The following RIT2 variants were observed in gnomAD, a reference collection of about 807,000 sequenced individuals.
RIT2 encodes GTP-binding protein Rit2.
Under a neutral mutation model 23.7 loss-of-function variants are expected in RIT2, and 24 were observed. The ratio of observed to expected loss-of-function variants is 1.01; its 90% CI spans 0.73 to 1.43. The LOEUF (loss-of-function observed/expected upper bound fraction) is 1.43. RIT2 is among the 40% of genes most tolerant of loss of function. The pLI, the probability that RIT2 is intolerant of heterozygous loss-of-function variation, is 0.00. For synonymous variants in RIT2, 107 were observed against 91.1 expected, an observed-to-expected ratio of 1.17 and a Z score of -0.99; for missense variants, 236 against 266.9, an observed-to-expected ratio of 0.88 and a Z score of 0.81.
At chr18:42,959,465 G>T (rs1448885982) in intron 3 of RIT2, among the ~76,000 whole-genome samples, 1 of 152,068 alleles carries the variant, frequency 6.6e-6, no homozygotes, top group Non-Finnish European at 1.5e-5. Context: ...TTCCACTCTA[G>T]ATCCTAAACA....
At chr18:42,810,197 T>C (rs1905812398) in intron 4 of RIT2, among the ~76,000 whole-genome samples, 1 of 151,300 alleles carries the variant, frequency 6.6e-6, no homozygotes, top group Non-Finnish European at 1.5e-5. Flanking sequence ...AAGGTAACTT[T>C]TAATGAGGTG....
chr18:42,959,244 T>A (rs1302638036), intron 3 of RIT2, among the ~76,000 whole-genome samples: 1 of 152,212 alleles, frequency 6.6e-6, no homozygotes, highest in African/African-American at 2.4e-5. Context: ...GAAGTCTTAT[T>A]ATTTGACATT....
chr18:43,071,073 T>C (rs938549762), intron 1 of RIT2, among the ~76,000 whole-genome samples: 5 of 152,220 alleles, frequency 3.3e-5, no homozygotes, highest in African/African-American at 1.2e-4. Flanking sequence ...TTTTTACCAA[T>C]AATTTTCTGG....
In RIT2 at chr18:42,953,457, A is replaced by G. The variant is rs189998917; in HGVS notation, c.234+20617T>C. Among the ~76,000 whole-genome samples the G allele has an allele frequency of 2.9e-3, 444 of 152,234 alleles. 4 individuals are homozygous for G. The highest frequency in any genetic ancestry group is 0.01 in the African/African-American group (417 of 41,552). On this transcript the variant is annotated intron_variant, in intron 3 of 4. Transcript: ENST00000326695. ...CAGGAACAGCTGTTGCTTTGGGACTATGGGAGAACAAAGAGGACATTATAA... is the reference window on the plus strand; with the variant it reads ...CAGGAACAGCTGTTGCTTTGGGACTGTGGGAGAACAAAGAGGACATTATAA...
At chr18:43,101,160 T>C (rs7241952) in intron 1 of RIT2, among the ~76,000 whole-genome samples, 7,441 of 152,136 alleles carry the variant, frequency 0.049, 228 homozygotes, top group South Asian at 0.12. Context: ...TGTAAACATT[T>C]TAACCATGCC....
chr18:42,839,697 T>C (rs17635422), intron 4 of RIT2, among the ~76,000 whole-genome samples: 16,362 of 152,256 alleles, frequency 0.11, 995 homozygotes, highest in Middle Eastern at 0.24. Context: ...TACTTAATAT[T>C]ACTGTGGCCA....
intron 3 of RIT2, among the ~76,000 whole-genome samples, chr18:42,960,453 T>C (rs1910070679): frequency 6.6e-6 from 1 of 152,188 alleles, no homozygotes; most frequent in Non-Finnish European, 1.5e-5. Context: ...TAGCTGGGAT[T>C]ACAGGTGTCC....
At chr18:42,834,743 G>T (rs1298252984) in intron 4 of RIT2, among the ~76,000 whole-genome samples, 2 of 152,056 alleles carry the variant, frequency 1.3e-5, no homozygotes, top group African/African-American at 4.8e-5. Context: ...ATACAGTGAG[G>T]CACTATACTA....
At chr18:42,933,616 T>G (rs1568033738) in intron 3 of RIT2, among the ~76,000 whole-genome samples, 1 of 152,184 alleles carries the variant, frequency 6.6e-6, no homozygotes, top group Non-Finnish European at 1.5e-5. Flanking sequence ...CCCTTTTTGC[T>G]CATTCTTCTC....
At chr18:42,990,623 T>C (rs1039574557) in intron 2 of RIT2, among the ~76,000 whole-genome samples, 5 of 152,214 alleles carry the variant, frequency 3.3e-5, no homozygotes, top group Admixed American at 1.3e-4. Flanking sequence ...GCATGCCTTA[T>C]TCATCTTTGT....
intron 1 of RIT2, among the ~76,000 whole-genome samples, chr18:43,052,613 A>G (rs1598762854): frequency 6.6e-6 from 1 of 152,164 alleles, no homozygotes; most frequent in Admixed American, 6.6e-5. Flanking sequence ...TGATTTATCA[A>G]ACTGCTCCTT....
chr18:42,883,582 T>G (rs1907949268), intron 4 of RIT2, among the ~76,000 whole-genome samples: 1 of 152,118 alleles, frequency 6.6e-6, no homozygotes, highest in African/African-American at 2.4e-5. Flanking sequence ...CAAGCAAATC[T>G]TTTCTCTCAG....
chr18:42,929,311 T>A (rs1373668011), intron 3 of RIT2, among the ~76,000 whole-genome samples: 1 of 151,950 alleles, frequency 6.6e-6, no homozygotes, highest in African/African-American at 2.4e-5. Flanking sequence ...CCAAACTAGA[T>A]CTGCAGTATC....
intron 4 of RIT2, among the ~76,000 whole-genome samples, chr18:42,869,896 A>G (rs1195365398): frequency 6.6e-6 from 1 of 152,204 alleles, no homozygotes; most frequent in African/African-American, 2.4e-5. Flanking sequence ...GTATAGTCCC[A>G]CATATCCTTT....
intron 4 of RIT2, among the ~76,000 whole-genome samples, chr18:42,767,345 G>A (rs1567991387): frequency 6.6e-6 from 1 of 152,206 alleles, no homozygotes; most frequent in African/African-American, 2.4e-5. Flanking sequence ...GGAGTCAAAG[G>A]AGATCATTTT....
rs114033825 is a variant in RIT2 at position 43,061,113 on chromosome 18, T to C, written c.104-27246A>G. Among the ~76,000 whole-genome samples the C allele has an allele frequency of 4.5e-3, 685 of 152,228 alleles. 6 individuals are homozygous for C. The highest frequency in any genetic ancestry group is 0.016 in the African/African-American group (655 of 41,550). ...GGTAAGTAGTACAGTGTAATATAAC[T>C]GATAAATGATCAAGACAGAATTTGA... is the stretch of plus-strand genomic sequence containing the variant. On this transcript the variant is annotated intron_variant, in intron 1 of 4. Coordinates refer to ENST00000326695, the MANE Select transcript of RIT2 (RefSeq NM_002930.4).
At chr18:43,059,340 A>T (rs555957702) in intron 1 of RIT2, among the ~76,000 whole-genome samples, 22 of 152,262 alleles carry the variant, frequency 1.4e-4, no homozygotes, top group African/African-American at 5.1e-4. Flanking sequence ...AGGCTATCAT[A>T]AGGTAGAAGC....
At chr18:42,923,350 G>T in intron 4 of RIT2, 1 of 523,478 alleles carries the variant, frequency 1.9e-6, no homozygotes, top group Non-Finnish European at 3.4e-6. Context: ...AGATCCTAGG[G>T]GATAGGGCAC....
At chr18:43,056,273 C>T (rs1249747197) in intron 1 of RIT2, among the ~76,000 whole-genome samples, 1 of 151,866 alleles carries the variant, frequency 6.6e-6, no homozygotes, top group Non-Finnish European at 1.5e-5. Flanking sequence ...AAAACAAAGT[C>T]CAGGGTATTA....
Sources: gnomAD v4.1 joint callset for allele counts (sites outside exome capture counted in the v4.1 genomes callset) on GRCh38, gnomAD v4.1.1 for gene constraint, MANE v1.5 for transcripts, NCBI Gene and HGNC (gene_info 2026-07-23, HGNC 2026-07-21) for gene names.